The following SORBS3 variants were observed in gnomAD, a reference collection of about 807,000 sequenced individuals.
SORBS3 encodes the protein sorbin and SH3 domain containing 3.
Under a neutral mutation model 98.0 loss-of-function variants are expected in SORBS3, and 69 were observed. That is an observed-to-expected ratio of 0.70 (90% CI 0.58 to 0.86). SORBS3 has a LOEUF of 0.86. Among genes scored for constraint, SORBS3 ranks in the 40% least tolerant of loss-of-function variants. SORBS3 has a pLI of 0.00. For synonymous variants in SORBS3, 394 were observed against 355.4 expected (o/e 1.11, Z -1.22); for missense variants, 954 against 908.5 (o/e 1.05, Z -0.64).
chr8:22,550,765 A>G (rs1223713743), upstream of SORBS3, among the ~76,000 whole-genome samples: 1 of 152,200 alleles, frequency 6.6e-6, no homozygotes, highest in East Asian at 1.9e-4. Context: ...GGAATGCAGG[A>G]GATTACGTTA....
intron 7 of SORBS3, among the ~76,000 whole-genome samples, chr8:22,563,246 C>T (rs937727760): frequency 3.3e-5 from 5 of 152,144 alleles, no homozygotes; most frequent in African/African-American, 9.7e-5. Flanking sequence ...CTTGGTCAGA[C>T]GTTGTATTAT....
At position 22,554,690 on chromosome 8, in the gene SORBS3, A is replaced by T. The variant is rs1401125528; in HGVS notation, c.102+82A>T. The T allele has an allele frequency of 6.8e-7, 1 of 1,461,382 alleles. No homozygotes were observed. The highest frequency in any genetic ancestry group is 2.5e-5 in the East Asian group (1 of 40,674). 90.5% of individuals were successfully genotyped at this position (1,461,382 alleles called of 1,614,324 possible). A position where few individuals can be genotyped will look rare whatever the true frequency, so the allele number is the denominator to read the frequency against. On this transcript the variant is annotated intron_variant, in intron 2 of 20. Transcript: ENST00000240123. The surrounding 1 kb of genome is among the most constrained non-coding windows in gnomAD (Gnocchi z 6.5). ...TAGCAGGTCAGGTGGGGGCAGGAGG[A>T]TGAAAGGGATGGAGGGAGGGCTGAA...
chr8:22,572,461 C>A lies in SORBS3; in HGVS notation c.1954+15C>A. 6.3e-7 allele frequency: 1 copy of A among 1,595,626 alleles called. No homozygotes were observed. The highest frequency in any genetic ancestry group is 8.6e-7 in the Non-Finnish European group (1 of 1,163,806). ...CTGGTTTGTGGGTATGTGGGCAGGC[C>A]GGGAGGGGGCATCTCAGGGCCCCAG... On this transcript the variant is annotated intron_variant, in intron 20 of 20. Transcript: ENST00000240123.
intron 5 of SORBS3, among the ~76,000 whole-genome samples, chr8:22,558,621 C>A (rs963716715): frequency 1.8e-4 from 28 of 152,240 alleles, no homozygotes; most frequent in African/African-American, 6.5e-4. Context: ...CCTTGACCAT[C>A]TATTGAGCAT....
chr8:22,571,552 C>T, intron 18 of SORBS3, 166 bp from the exon 19 acceptor site: 1 of 628,198 alleles, frequency 1.6e-6, no homozygotes, highest in Non-Finnish European at 2.9e-6. Context: ...GAAATAGTCA[C>T]AGCAGGTGTC....
rs577728955 is a variant in SORBS3 at position 22,569,053 on chromosome 8, C to T, written c.1306-95C>T. On this transcript the variant is annotated intron_variant, in intron 16 of 20. Coordinates refer to ENST00000240123, the MANE Select transcript of SORBS3 (RefSeq NM_005775.5). ...TTTATATCTTTTCTCTGCCTAGGGGCGGGCCCACCTTCTCTTTGCTGTCTC... is the reference window on the plus strand; with the variant it reads ...TTTATATCTTTTCTCTGCCTAGGGGTGGGCCCACCTTCTCTTTGCTGTCTC... The T allele has an allele frequency of 1.6e-4, 217 of 1,320,052 alleles. No individual in the cohort carries two copies. In the African/African-American group the frequency reaches 2.8e-3, roughly 17 times the overall value. The allele number at this position is 1,320,052 out of a possible 1,614,324, so 81.8% of individuals were successfully genotyped here.
At chr8:22,557,919 G>A (rs1252412591) in intron 4 of SORBS3, among the ~76,000 whole-genome samples, 1 of 152,202 alleles carries the variant, frequency 6.6e-6, no homozygotes, top group Non-Finnish European at 1.5e-5. Flanking sequence ...CATACACTTC[G>A]ATGGAGATCT....
At position 22,575,173 on chromosome 8, in the gene SORBS3, AC is replaced by A; in HGVS notation, c.*449del. The A allele has an allele frequency of 3.1e-6, 1 of 317,864 alleles. No individual in the cohort carries two copies. Among genetic ancestry groups the A allele is most frequent in the South Asian group, 2.5e-5 (1 of 40,694 alleles). 19.7% of individuals were successfully genotyped at this position (317,864 alleles called of 1,614,324 possible). On this transcript the variant is annotated 3_prime_UTR_variant, in exon 21 of 21. Transcript: ENST00000240123. The stretch of plus-strand genomic sequence containing the variant: ...CCCGCCTGCTGGGGTTCCTCCCAGC[AC>A]CCCAGCTTGCTGGCTGCCCTCTTTG...
chr8:22,558,888 G>A (rs1222819408), intron 5 of SORBS3, among the ~76,000 whole-genome samples: 1 of 152,202 alleles, frequency 6.6e-6, no homozygotes. Flanking sequence ...CCAGCAAAGG[G>A]AGCTCCGAAG....
In SORBS3 at chr8:22,574,766, G is replaced by T; in HGVS notation, c.*38G>T. On this transcript the variant is annotated 3_prime_UTR_variant, in exon 21 of 21. Coordinates refer to ENST00000240123, the MANE Select transcript of SORBS3 (RefSeq NM_005775.5). ...GCAACTTGGAGCCAGCCAGGATGGG[G>T]TGGGGAGCGGTGGCACTCGTGGGAG... 6.3e-7 allele frequency: 1 copy of T among 1,593,812 alleles called. No individual in the cohort carries two copies.
Position 22,571,812 on chromosome 8 carries a change from A to T in SORBS3, c.1838A>T (p.His613Leu), listed in dbSNP as rs745470595. 6.8e-6 allele frequency: 11 copies of T among 1,608,494 alleles called. No homozygotes were observed. Among genetic ancestry groups the T allele is most frequent in the Non-Finnish European group, 8.5e-6 (10 of 1,175,254 alleles). ...GTSSPNTSQI[H>L]WTPYRAMYQY... Reference sequence around the variant, plus strand: ...TCCTCTCCTAACACCTCTCAGATACACTGGACCCCGTGAGTACCATCTGAG... The same window carrying T: ...TCCTCTCCTAACACCTCTCAGATACTCTGGACCCCGTGAGTACCATCTGAG... Residue 613 changes from histidine (H) to leucine (L), a missense_variant, in exon 19 of 21, where the codon CAC becomes CTC. Transcript: ENST00000240123.
chr8:22,554,888 C>T lies in SORBS3; in HGVS notation c.128C>T (p.Ser43Phe), dbSNP rs1563815131. 1 of 1,613,392 alleles carries T rather than the reference C, an allele frequency of 6.2e-7. No homozygotes were observed. The highest frequency in any genetic ancestry group is 8.5e-7 in the Non-Finnish European group (1 of 1,179,894). ...GTGCCCGTGATCCGGAATGGTGGCT[C>T]CAACACCCTTAATTTCCAGTTCCAC... ...TRVPVIRNGG[S>F]NTLNFQFHDP... The change falls in exon 3 of 21, where the codon TCC (serine) becomes TTC (phenylalanine). Residue 43 changes from serine (S) to phenylalanine (F), a missense_variant. Physicochemically the swap from Ser to Phe is radical, Grantham distance 155 (BLOSUM62 -2). Transcript: ENST00000240123. The surrounding 1 kb of genome is among the most constrained non-coding windows in gnomAD (Gnocchi z 6.5).
At chr8:22,555,884 A>G (rs529089052) in intron 3 of SORBS3, among the ~76,000 whole-genome samples, 1 of 152,272 alleles carries the variant, frequency 6.6e-6, no homozygotes, top group East Asian at 1.9e-4. Context: ...AACCAAAAAA[A>G]ACACCCACAC....
At chr8:22,570,009 G>A (rs1241208821) in intron 17 of SORBS3, among the ~76,000 whole-genome samples, 1 of 152,154 alleles carries the variant, frequency 6.6e-6, no homozygotes, top group Non-Finnish European at 1.5e-5. Flanking sequence ...GCAGTTCTGT[G>A]TATGCACATA....
chr8:22,555,034 C>A, intron 3 of SORBS3, 54 bp downstream of exon 3: 1 of 1,444,490 alleles, frequency 6.9e-7, no homozygotes, highest in Non-Finnish European at 9.7e-7. Context: ...GCCCTGCCAT[C>A]TGGCACTGCC....
rs1840689174 is a variant in SORBS3, at chr8:22,574,839, A to C, written c.*111A>C. 1 of 1,065,034 alleles carries C rather than the reference A, an allele frequency of 9.4e-7. No individual in the cohort carries two copies. The highest frequency in any genetic ancestry group is 1.6e-5 in the African/African-American group (1 of 63,954). 66.0% of individuals were successfully genotyped at this position (1,065,034 alleles called of 1,614,324 possible). On this transcript the variant is annotated 3_prime_UTR_variant, in exon 21 of 21. Transcript: ENST00000240123. ...CTCCTTCCCCAGGACCTGAGCTCCCAGCATCTGCAGACGACCCCCGCAGCC... is the reference window on the plus strand; with the variant it reads ...CTCCTTCCCCAGGACCTGAGCTCCCCGCATCTGCAGACGACCCCCGCAGCC...
chr8:22,568,860 T>G (rs1402523457), intron 16 of SORBS3, among the ~76,000 whole-genome samples: 3 of 152,216 alleles, frequency 2.0e-5, no homozygotes, highest in African/African-American at 4.8e-5. Flanking sequence ...ACTCTCTAAT[T>G]GGACTGGCTT....
chr8:22,574,555 C>T (rs544734857), intron 20 of SORBS3, 112 bp from the exon 21 acceptor site: 28 of 1,051,064 alleles, frequency 2.7e-5, no homozygotes, highest in Admixed American at 9.0e-5. Context: ...CTGGGCTCCC[C>T]TACAGAACTC....
upstream of SORBS3, chr8:22,551,634 C>T: frequency 1.5e-6 from 1 of 668,384 alleles, no homozygotes; most frequent in Non-Finnish European, 1.9e-6. The surrounding 1 kb of genome is among the most constrained non-coding windows in gnomAD (Gnocchi z 5.8). Flanking sequence ...CCCTCGGCGG[C>T]CCCTCCCGGC....
Sources: allele counts gnomAD v4.1 joint callset (sites outside exome capture counted in the v4.1 genomes callset), GRCh38; gene constraint gnomAD v4.1.1; non-coding constraint Gnocchi (gnomAD v3.1); transcripts MANE v1.5; gene names NCBI Gene and HGNC (gene_info 2026-07-23, HGNC 2026-07-21).